Variants in PUSL1 observed in about 807,000 individuals in gnomAD.
The protein encoded by PUSL1 is pseudouridine synthase like 1, also known as tRNA pseudouridine synthase-like 1.
PUSL1 carries 51 observed loss-of-function variants against 30.7 expected under a neutral mutation model. The ratio of observed to expected loss-of-function variants is 1.66; its 90% CI spans 1.33 to 2.10. PUSL1 has a LOEUF of 2.10. Ranked by LOEUF, PUSL1 falls within the 30% of genes most tolerant of loss-of-function variation. The pLI is 0.00. For missense variants in PUSL1, 609 were observed against 427.6 expected, an observed-to-expected ratio of 1.42 and a Z score of -3.74; for synonymous variants, 290 against 192.1, an observed-to-expected ratio of 1.51 and a Z score of -4.21.
Position 1,308,917 on chromosome 1 carries a change from G to C in PUSL1, c.80G>C (p.Gly27Ala). ...YFQYVGTDFN[G>A]VAAVRGTQRA... is the part of the protein sequence containing the mutation. ...CCTCCGCCCGCTTCTGCCCGCAGCG[G>C]GGTCGCGGCCGTCAGGGGCACTCAG... The change falls in exon 2 of 8, where the codon GGG (glycine) becomes GCG (alanine). Residue 27 changes from glycine (G) to alanine (A), a missense_variant and splice_region_variant. By Grantham distance (60) the Gly-to-Ala change is moderately conservative. Transcript: ENST00000379031. The C allele has an allele frequency of 7.1e-7, 1 of 1,418,274 alleles. No homozygotes were observed. The highest frequency in any genetic ancestry group is 9.2e-7 in the Non-Finnish European group (1 of 1,088,844). The allele number at this position is 1,418,274 out of a possible 1,614,324, so 87.9% of individuals were successfully genotyped here.
At chr1:1,310,777 C>G in intron 6 of PUSL1, 89 bp downstream of exon 6, 1 of 1,609,684 alleles carries the variant, frequency 6.2e-7, no homozygotes, top group Non-Finnish European at 8.5e-7. Flanking sequence ...GTGGGCGGCT[C>G]TGGGTCACAG....
In PUSL1 at chr1:1,308,685, T is replaced by G; in HGVS notation, c.42T>G (p.Tyr14Ter). The change falls in exon 1 of 8, where the codon TAT (tyrosine) becomes TAG (stop). Residue 14 changes from tyrosine (Y) to a stop codon, truncating the protein, a stop_gained. Transcript: ENST00000379031. LOFTEE classifies it high-confidence loss of function. ...CCTCAGGCTCCGTGCGCGCGCGCTATCTTGTGTACTTCCAGTACGTGGGCA... is the reference window on the plus strand; with the variant it reads ...CCTCAGGCTCCGTGCGCGCGCGCTAGCTTGTGTACTTCCAGTACGTGGGCA... ...APASGSVRARYLVYFQYVGTD... is the reference protein window; with the variant it reads ...APASGSVRAR 1 of 1,552,578 alleles carries G rather than the reference T, an allele frequency of 6.4e-7. No individual in the cohort carries two copies.
Position 1,308,669 on chromosome 1 carries a change from C to T in PUSL1, c.26C>T (p.Ser9Phe), listed in dbSNP as rs745698070. ...ATGAGTTCGGCGCCGGCCTCAGGCT[C>T]CGTGCGCGCGCGCTATCTTGTGTAC... The part of the protein sequence containing the change: MSSAPASG[S>F]VRARYLVYFQ... Residue 9 changes from serine (S) to phenylalanine (F), a missense_variant, in exon 1 of 8, where the codon TCC (serine) becomes TTC (phenylalanine). Coordinates refer to ENST00000379031, the MANE Select transcript of PUSL1 (RefSeq NM_153339.3). The T allele has an allele frequency of 1.9e-6, 3 of 1,546,882 alleles. No individual in the cohort carries two copies. The highest frequency in any genetic ancestry group is 1.9e-5 in the Admixed American group (1 of 51,578).
In PUSL1 at chr1:1,308,694, C is replaced by T. The variant is rs773853169; in HGVS notation, c.51C>T (p.Tyr17=). 142 of 1,557,616 alleles carry T rather than the reference C, an allele frequency of 9.1e-5. 1 individual carries two copies. Among genetic ancestry groups the T allele is most frequent in the Non-Finnish European group, 1.2e-4 (136 of 1,155,562 alleles). ...SGSVRARYLV[Y]FQYVGTDFNG... ...CCGTGCGCGCGCGCTATCTTGTGTA[C>T]TTCCAGTACGTGGGCACCGACTTTA... The change falls in exon 1 of 8, where the codon TAC becomes TAT. Residue 17 remains tyrosine, a synonymous_variant. Transcript: ENST00000379031.
rs964853959 is a variant in PUSL1, at chr1:1,311,516, C to T, written c.*137C>T. On this transcript the variant is annotated 3_prime_UTR_variant, in exon 8 of 8. Coordinates refer to ENST00000379031, the MANE Select transcript of PUSL1 (RefSeq NM_153339.3). ...TAGCCTCCCTGCCCGGGTCCCAGCACCCTGGATGCCCGTCTCTGTCCCAGG... is the reference window on the plus strand; with the variant it reads ...TAGCCTCCCTGCCCGGGTCCCAGCATCCTGGATGCCCGTCTCTGTCCCAGG... 24 of 901,284 alleles carry T rather than the reference C, an allele frequency of 2.7e-5. No individual in the cohort carries two copies. The highest frequency in any genetic ancestry group is 1.5e-4 in the African/African-American group (9 of 61,000). The allele number at this position is 901,284 out of a possible 1,614,324, so 55.8% of individuals were successfully genotyped here.
chr1:1,311,673 C>G lies in PUSL1; in HGVS notation c.*294C>G, dbSNP rs1319324441. The G allele has an allele frequency of 2.8e-6, 2 of 721,750 alleles. No individual in the cohort carries two copies. Among genetic ancestry groups the G allele is most frequent in the African/African-American group, 1.7e-5 (1 of 57,390 alleles). The allele number at this position is 721,750 out of a possible 1,614,324, so 44.7% of individuals were successfully genotyped here. ...TAACCAGGAATAAAGGCAAGACAGC[C>G]TGGAGACCAGTTTGTTTCTTCAGCT... On this transcript the variant is annotated 3_prime_UTR_variant, in exon 8 of 8. Transcript: ENST00000379031.
In PUSL1 at chr1:1,308,791, G is replaced by GC. The variant is rs1557619228; in HGVS notation, c.77+72dup. On this transcript the variant is annotated intron_variant, in intron 1 of 7. Coordinates refer to ENST00000379031, the MANE Select transcript of PUSL1 (RefSeq NM_153339.3). The stretch of plus-strand genomic sequence containing the variant: ...GAGGCGGGAAGGAGGGCGCGGGCGG[G>GC]CAGGCGGATGTCTCTGGACGCGGGT... 3.5e-6 allele frequency: 5 copies of GC among 1,446,868 alleles called. No homozygotes were observed. The East Asian group carries it at 1.2e-4, about 34-fold the overall frequency. The allele number at this position is 1,446,868 out of a possible 1,614,324, so 89.6% of individuals were successfully genotyped here. A position where few individuals can be genotyped will look rare whatever the true frequency, so the allele number is the denominator to read the frequency against.
intron 3 of PUSL1, 90 bp downstream of exon 3, chr1:1,309,363 G>A (rs1407622817): frequency 2.0e-6 from 3 of 1,477,864 alleles, no homozygotes; most frequent in Non-Finnish European, 2.7e-6. Context: ...AGACTTCCTT[G>A]TCTGGTCGGA....
rs764853687 is a variant in PUSL1 at position 1,308,632 on chromosome 1, C to G, written c.-12C>G. ...TGGAGGCCGCCTCTGACGCCACCGG[C>G]TGGGCTCCGCCATGAGTTCGGCGCC... On this transcript the variant is annotated 5_prime_UTR_variant, in exon 1 of 8. Coordinates refer to ENST00000379031, the MANE Select transcript of PUSL1 (RefSeq NM_153339.3). 4 of 1,478,024 alleles carry G rather than the reference C, an allele frequency of 2.7e-6. No homozygotes were observed. The highest frequency in any genetic ancestry group is 1.5e-5 in the African/African-American group (1 of 66,632). 91.6% of individuals were successfully genotyped at this position (1,478,024 alleles called of 1,614,324 possible). A position where few individuals can be genotyped will look rare whatever the true frequency, so the allele number is the denominator to read the frequency against.
Position 1,309,527 on chromosome 1 carries a change from C to T in PUSL1, c.397C>T (p.Arg133Cys), listed in dbSNP as rs903376939. Residue 133 changes from arginine (R) to cysteine (C), a missense_variant, in exon 4 of 8, where the codon CGC becomes TGC. By Grantham distance (180) the Arg-to-Cys change is radical (BLOSUM62 -3). Coordinates refer to ENST00000379031, the MANE Select transcript of PUSL1 (RefSeq NM_153339.3). ...HAATSRTYLY[R>C]LATGCHRRDE... ...AGCCACGTCCCGGACCTACCTGTAC[C>T]GCCTGGCCACTGGCTGTCACCGGCG... The T allele has an allele frequency of 1.2e-5, 20 of 1,611,280 alleles. No individual in the cohort carries two copies. In the East Asian group the frequency reaches 1.8e-4, roughly 14 times the overall value.
chr1:1,309,228 T>G lies in PUSL1; in HGVS notation c.278T>G (p.Val93Gly). 6.6e-7 allele frequency: 1 copy of G among 1,515,360 alleles called. No individual in the cohort carries two copies. The highest frequency in any genetic ancestry group is 8.8e-7 in the Non-Finnish European group (1 of 1,139,506). 93.9% of individuals were successfully genotyped at this position (1,515,360 alleles called of 1,614,324 possible). The change falls in exon 3 of 8, where the codon GTC becomes GGC. Residue 93 changes from valine (V) to glycine (G), a missense_variant. Transcript: ENST00000379031. ...GGCCGGCCGCCCTTCCCGCCCGAGG[T>G]CCTGGCCGAGGCCCTCAACACACAC... ...RSGRPPFPPE[V>G]LAEALNTHLR...
Position 1,308,638 on chromosome 1 carries a change from T to C in PUSL1, c.-6T>C, listed in dbSNP as rs1339723443. 2.8e-6 allele frequency: 4 copies of C among 1,426,834 alleles called. No individual in the cohort carries two copies. The highest frequency in any genetic ancestry group is 2.5e-5 in the Admixed American group (1 of 39,998). 88.4% of individuals were successfully genotyped at this position (1,426,834 alleles called of 1,614,324 possible). On this transcript the variant is annotated 5_prime_UTR_variant, in exon 1 of 8. Coordinates refer to ENST00000379031, the MANE Select transcript of PUSL1 (RefSeq NM_153339.3). ...CCGCCTCTGACGCCACCGGCTGGGC[T>C]CCGCCATGAGTTCGGCGCCGGCCTC...
At chr1:1,311,143 G>A (rs1642121273) in intron 7 of PUSL1, 72 bp downstream of exon 7, 3 of 1,529,902 alleles carry the variant, frequency 2.0e-6, no homozygotes, top group Non-Finnish European at 1.8e-6. Context: ...TGGGGTGGGG[G>A]GCCAGGGGCC....
rs553986585 is a variant in PUSL1 at position 1,309,297 on chromosome 1, C to A, written c.323+24C>A. On this transcript the variant is annotated intron_variant, in intron 3 of 7. Coordinates refer to ENST00000379031, the MANE Select transcript of PUSL1 (RefSeq NM_153339.3). ...AGGTGAGCCCGCGACCTAAGCAGCC[C>A]TGGGGCTGTGCCTTCCCGACTCCAT... 835 of 1,472,824 alleles carry A rather than the reference C, an allele frequency of 5.7e-4. 7 individuals carry two copies. The South Asian group carries it at 0.01, about 18-fold the overall frequency. 91.2% of individuals were successfully genotyped at this position (1,472,824 alleles called of 1,614,324 possible). A position where few individuals can be genotyped will look rare whatever the true frequency, so the allele number is the denominator to read the frequency against.
At chr1:1,309,378 G>C in intron 3 of PUSL1, 76 bp from the exon 4 acceptor site, 2 of 1,494,564 alleles carry the variant, frequency 1.3e-6, no homozygotes, top group Admixed American at 2.0e-5. Context: ...GTCGGAGCTC[G>C]AGGGGGAAGG....
In PUSL1 at chr1:1,309,095, G is replaced by C; in HGVS notation, c.145G>C (p.Glu49Gln). 3 of 1,491,556 alleles carry C rather than the reference G, an allele frequency of 2.0e-6. No individual in the cohort carries two copies. Among genetic ancestry groups the C allele is most frequent in the Non-Finnish European group, 2.7e-6 (3 of 1,129,558 alleles). The allele number at this position is 1,491,556 out of a possible 1,614,324, so 92.4% of individuals were successfully genotyped here. A position where few individuals can be genotyped will look rare whatever the true frequency, so the allele number is the denominator to read the frequency against. The change falls in exon 3 of 8, where the codon GAG (glutamate) becomes CAG (glutamine). Residue 49 changes from glutamate to glutamine, a missense_variant. Physicochemically the swap from Glu to Gln is conservative, Grantham distance 29. Coordinates refer to ENST00000379031, the MANE Select transcript of PUSL1 (RefSeq NM_153339.3). ...GVQNYLEEAA[E>Q]RLNSVEPVRF... The stretch of plus-strand genomic sequence containing the variant: ...CGGCTCGGTCCTGCAGGAGGCCGCC[G>C]AGCGGCTGAATTCCGTGGAGCCGGT...
rs1489325232 is a variant in PUSL1, at chr1:1,309,834, CA to C, written c.628del (p.Thr210ProfsTer28). On this transcript the variant is annotated frameshift_variant, in exon 5 of 8. Transcript: ENST00000379031. LOFTEE classifies it high-confidence loss of function. The part of the protein sequence containing the change: ...VSPGQASPLV[T>X]PEESRKLRFW... ...CCCCAGGCCAAGCCAGCCCCTTGGT[CA>C]CCCCCGAGGAGAGCAGGTGAGGAAG... The C allele has an allele frequency of 6.5e-7, 1 of 1,538,846 alleles. No homozygotes were observed. The highest frequency in any genetic ancestry group is 2.0e-5 in the Admixed American group (1 of 50,406).
intron 5 of PUSL1, 63 bp from the exon 6 acceptor site, chr1:1,310,571 A>T: frequency 7.7e-7 from 1 of 1,304,440 alleles, no homozygotes; most frequent in Non-Finnish European, 1.1e-6. Flanking sequence ...GTCCAAGGCC[A>T]CATAGTAGGC....
At chr1:1,310,504 T>C (rs2100540258) in intron 5 of PUSL1, 130 bp from the exon 6 acceptor site, 1 of 732,638 alleles carries the variant, frequency 1.4e-6, no homozygotes, top group Non-Finnish European at 2.4e-6. Context: ...CCAGGGCCCC[T>C]GGTGGCCAAG....
Sources: allele counts gnomAD v4.1 joint callset, GRCh38; gene constraint gnomAD v4.1.1; transcripts MANE v1.5; gene names NCBI Gene and HGNC (gene_info 2026-07-23, HGNC 2026-07-21).